TMTC2: variants seen among roughly 807,000 people sequenced by gnomAD.
TMTC2 encodes the protein protein O-mannosyl-transferase TMTC2.
In TMTC2, 43 loss-of-function variants were observed where a neutral mutation model predicts 82.4. The observed-to-expected ratio is 0.52, with a 90% CI of 0.41 to 0.67. The LOEUF (loss-of-function observed/expected upper bound fraction) is 0.67. TMTC2 is among the 30% of genes least tolerant of loss of function. The pLI is 0.00. For missense variants in TMTC2, 919 were observed against 1,012.4 expected (o/e 0.91, Z 1.25); for synonymous variants, 408 against 381.9 (o/e 1.07, Z -0.80).
intron 8 of TMTC2, among the ~76,000 whole-genome samples, chr12:83,015,948 C>T (rs1166419889): frequency 6.6e-6 from 1 of 152,146 alleles, no homozygotes; most frequent in African/African-American, 2.4e-5. Context: ...TTAATATGCA[C>T]CACTGCTAGT....
intron 1 of TMTC2, among the ~76,000 whole-genome samples, chr12:82,747,111 T>C (rs953399383): frequency 1.3e-5 from 2 of 152,222 alleles, no homozygotes; most frequent in African/African-American, 4.8e-5. Context: ...GCCAGTGAGT[T>C]TGTTTTGTCC....
At chr12:82,715,666 T>C (rs1873861591) in intron 1 of TMTC2, among the ~76,000 whole-genome samples, 1 of 152,158 alleles carries the variant, frequency 6.6e-6, no homozygotes. Flanking sequence ...AAGGAAACTT[T>C]AAAGAAGGAC....
intron 1 of TMTC2, among the ~76,000 whole-genome samples, chr12:82,843,755 C>T (rs1016872387): frequency 3.9e-5 from 6 of 152,102 alleles, no homozygotes; most frequent in African/African-American, 1.4e-4. Context: ...CAAGACCAGT[C>T]TGGCCAACAT....
chr12:82,856,972 G>A (rs1871285796), intron 1 of TMTC2, 38 bp from the exon 2 acceptor site: 1 of 1,562,262 alleles, frequency 6.4e-7, no homozygotes, highest in South Asian at 1.2e-5. Flanking sequence ...TTCTTTCTGT[G>A]TTTTACATTT....
chr12:82,818,283 C>A (rs555965529), intron 1 of TMTC2, among the ~76,000 whole-genome samples: 1 of 152,116 alleles, frequency 6.6e-6, no homozygotes, highest in Non-Finnish European at 1.5e-5. Flanking sequence ...AGAGTAATTT[C>A]TTTTGTCCTT....
chr12:83,114,907 A>T (rs758444156), intron 11 of TMTC2, among the ~76,000 whole-genome samples: 2 of 151,870 alleles, frequency 1.3e-5, no homozygotes, highest in African/African-American at 4.8e-5. Context: ...ATATAAAAAT[A>T]TGTACACATA....
chr12:83,003,196 T>A (rs375360535), intron 8 of TMTC2, among the ~76,000 whole-genome samples: 3 of 152,170 alleles, frequency 2.0e-5, no homozygotes, highest in African/African-American at 7.2e-5. Context: ...TTTTGGCTGT[T>A]GTTGGTTTAA....
intron 1 of TMTC2, among the ~76,000 whole-genome samples, chr12:82,771,353 A>G (rs191554763): frequency 9.2e-5 from 14 of 152,332 alleles, no homozygotes; most frequent in East Asian, 1.9e-4. Context: ...TGGTCTTTCA[A>G]TTAAATAAGT....
chr12:82,763,844 T>C (rs1437539111), intron 1 of TMTC2, among the ~76,000 whole-genome samples: 1 of 152,110 alleles, frequency 6.6e-6, no homozygotes, highest in East Asian at 1.9e-4. Context: ...TCATGGAAAA[T>C]GTTTCAGAGA....
chr12:83,025,438 A>G (rs960685146), intron 8 of TMTC2, among the ~76,000 whole-genome samples: 1 of 151,332 alleles, frequency 6.6e-6, no homozygotes, highest in African/African-American at 2.4e-5. Flanking sequence ...TATGTATAGT[A>G]GAAAAACATT....
intron 1 of TMTC2, among the ~76,000 whole-genome samples, chr12:82,775,405 G>A (rs1877534793): frequency 6.6e-6 from 1 of 151,792 alleles, no homozygotes; most frequent in Non-Finnish European, 1.5e-5. Context: ...AACTATGATT[G>A]CACCACTGTA....
chr12:83,110,804 C>G (rs1306521642), intron 11 of TMTC2, among the ~76,000 whole-genome samples: 1 of 152,216 alleles, frequency 6.6e-6, no homozygotes, highest in African/African-American at 2.4e-5. Context: ...CACACCCAAA[C>G]TCTCAGGGAT....
rs529499036 is a variant in TMTC2 at position 82,910,334 on chromosome 12, C to T, written c.1483+13688C>T. The stretch of plus-strand genomic sequence containing the variant: ...CACAGCGCGTGTGAAGAGGGTGTGG[C>T]TCACTTCTTCTGATCAAACCTCTAG... On this transcript the variant is annotated intron_variant, in intron 3 of 11. Transcript: ENST00000321196. Among the ~76,000 whole-genome samples, 425 of 152,256 alleles carry T rather than the reference C, an allele frequency of 2.8e-3. 1 individual carries two copies. Among genetic ancestry groups the T allele is most frequent in the Non-Finnish European group, 3.5e-3 (238 of 68,006 alleles).
At position 82,965,648 on chromosome 12, in the gene TMTC2, A is replaced by G. The variant is rs1878165249; in HGVS notation, c.1773A>G (p.Pro591=). Reference sequence around the variant, plus strand: ...CATTCTTAAAGTGTTCGGAGATCCCAGATGAAAACCTAAAGGACCCTCATG... The same window carrying G: ...CATTCTTAAAGTGTTCGGAGATCCCGGATGAAAACCTAAAGGACCCTCATG... ...RRTFLKCSEI[P]DENLKDPHAH... is the part of the protein sequence containing the mutation. The change falls in exon 6 of 12, where the codon CCA becomes CCG. Residue 591 remains proline, a synonymous_variant. Coordinates refer to ENST00000321196, the MANE Select transcript of TMTC2 (RefSeq NM_152588.3). The G allele has an allele frequency of 1.2e-6, 2 of 1,613,772 alleles. No individual in the cohort carries two copies. The highest frequency in any genetic ancestry group is 1.7e-5 in the Admixed American group (1 of 59,980).
At chr12:82,728,765 G>A (rs538709016) in intron 1 of TMTC2, among the ~76,000 whole-genome samples, 19 of 152,286 alleles carry the variant, frequency 1.2e-4, no homozygotes, top group South Asian at 6.2e-4. Context: ...GCGGGGAGGT[G>A]TGGAGGCAGA....
chr12:82,804,079 GA>G (rs1235850577), intron 1 of TMTC2, among the ~76,000 whole-genome samples: 1 of 152,020 alleles, frequency 6.6e-6, no homozygotes, highest in Non-Finnish European at 1.5e-5. Context: ...CTATTTCAAA[GA>G]AAATAGGGTT....
At chr12:83,115,802 G>A (rs765662161) in intron 11 of TMTC2, among the ~76,000 whole-genome samples, 2 of 151,982 alleles carry the variant, frequency 1.3e-5, no homozygotes, top group Non-Finnish European at 2.9e-5. Context: ...TGTTGTTGTT[G>A]TTGTTTGAGA....
At chr12:82,861,237 C>T (rs1281140025) in intron 2 of TMTC2, among the ~76,000 whole-genome samples, 1 of 152,108 alleles carries the variant, frequency 6.6e-6, no homozygotes, top group African/African-American at 2.4e-5. Context: ...ATTATTAAGG[C>T]CAGAGGGGCA....
At chr12:82,972,301 C>G (rs1411322134) in intron 7 of TMTC2, among the ~76,000 whole-genome samples, 1 of 151,860 alleles carries the variant, frequency 6.6e-6, no homozygotes, top group East Asian at 1.9e-4. Flanking sequence ...TTTATATATC[C>G]CTTTTAGTTT....
Sources: allele counts gnomAD v4.1 joint callset (sites outside exome capture counted in the v4.1 genomes callset), GRCh38; gene constraint gnomAD v4.1.1; transcripts MANE v1.5; gene names NCBI Gene and HGNC (gene_info 2026-07-23, HGNC 2026-07-21).